Variants in ZNF385D observed in about 807,000 individuals in gnomAD.
ZNF385D encodes zinc finger protein 385D, also known as zinc finger protein 659.
ZNF385D carries 15 observed loss-of-function variants against 35.8 expected under a neutral mutation model. That is an observed-to-expected ratio of 0.42 (90% CI 0.28 to 0.64). ZNF385D has a LOEUF of 0.64. Among genes scored for constraint, ZNF385D ranks in the 30% least tolerant of loss-of-function variants. The pLI is 0.23. For synonymous variants in ZNF385D, 212 were observed against 186.8 expected, an observed-to-expected ratio of 1.13 and a Z score of -1.10; for missense variants, 474 against 494.6, an observed-to-expected ratio of 0.96 and a Z score of 0.39.
intron 2 of ZNF385D, among the ~76,000 whole-genome samples, chr3:22,355,219 T>C (rs1167266656): frequency 6.6e-6 from 1 of 152,040 alleles, no homozygotes; most frequent in Non-Finnish European, 1.5e-5. Context: ...TCATCAAATC[T>C]TTATGGGTAT....
intron 3 of ZNF385D, among the ~76,000 whole-genome samples, chr3:21,977,526 A>T (rs1487437579): frequency 3.3e-5 from 5 of 152,106 alleles, no homozygotes; most frequent in Non-Finnish European, 5.9e-5. Flanking sequence ...TCTACCTAAA[A>T]GACTACTCAG....
Position 21,853,385 on chromosome 3 carries a change from T to G in ZNF385D, c.326-188357A>C, listed in dbSNP as rs369646118. On this transcript the variant is annotated intron_variant, in intron 3 of 5. Transcript: ENST00000494108. ...AATATCTATTAGATCAGAAATAATATGTTCAGTAAGTCAATCCACTTTAAT... is the reference window on the plus strand; with the variant it reads ...AATATCTATTAGATCAGAAATAATAGGTTCAGTAAGTCAATCCACTTTAAT... Among the ~76,000 whole-genome samples the G allele has an allele frequency of 3.3e-5, 5 of 151,864 alleles. No individual in the cohort carries two copies. In the South Asian group the frequency reaches 1.0e-3, roughly 31 times the overall value.
intron 3 of ZNF385D, among the ~76,000 whole-genome samples, chr3:22,026,357 C>T (rs968820734): frequency 3.3e-5 from 5 of 152,232 alleles, no homozygotes; most frequent in Admixed American, 2.0e-4. Flanking sequence ...GAATCTTTCT[C>T]CCATCCTTCC....
intron 3 of ZNF385D, among the ~76,000 whole-genome samples, chr3:21,826,183 C>G (rs2125749442): frequency 6.6e-6 from 1 of 152,252 alleles, no homozygotes; most frequent in Admixed American, 6.5e-5. Context: ...GCAAACGAAG[C>G]TGGGAAAATA....
chr3:21,913,684 A>G (rs1700068573), intron 3 of ZNF385D, among the ~76,000 whole-genome samples: 2 of 152,146 alleles, frequency 1.3e-5, no homozygotes, highest in South Asian at 4.1e-4. Context: ...TTTCTATCAA[A>G]TTCAGATGAA....
chr3:21,809,393 T>C (rs2125703354), intron 3 of ZNF385D, among the ~76,000 whole-genome samples: 1 of 151,958 alleles, frequency 6.6e-6, no homozygotes, highest in African/African-American at 2.4e-5. Context: ...AAAAAATATA[T>C]AATATTGTCT....
intron 4 of ZNF385D, among the ~76,000 whole-genome samples, chr3:21,466,500 T>C (rs138887745): frequency 9.8e-4 from 149 of 152,278 alleles, no homozygotes; most frequent in African/African-American, 3.6e-3. Flanking sequence ...TACAATGGGC[T>C]AGAAACCCCT....
chr3:21,436,200 C>T (rs1015710601), intron 5 of ZNF385D, among the ~76,000 whole-genome samples: 1 of 151,862 alleles, frequency 6.6e-6, no homozygotes, highest in African/African-American at 2.4e-5. Flanking sequence ...TATATATACA[C>T]ATACAGAGCA....
intron 3 of ZNF385D, among the ~76,000 whole-genome samples, chr3:22,137,309 T>C (rs1247457406): frequency 6.6e-6 from 1 of 152,146 alleles, no homozygotes; most frequent in Non-Finnish European, 1.5e-5. Flanking sequence ...GAATCCTCCC[T>C]AACTCATTTT....
At chr3:21,762,691 G>T (rs1185306863) in intron 3 of ZNF385D, among the ~76,000 whole-genome samples, 1 of 152,162 alleles carries the variant, frequency 6.6e-6, no homozygotes, top group Non-Finnish European at 1.5e-5. Context: ...GGTGCTAAAA[G>T]TTATAGACAG....
chr3:22,012,589 G>T (rs559765010), intron 3 of ZNF385D, among the ~76,000 whole-genome samples: 2 of 145,078 alleles, frequency 1.4e-5, no homozygotes, highest in East Asian at 4.1e-4. Flanking sequence ...AATAAAACAA[G>T]CATTCAAAAT....
intron 3 of ZNF385D, among the ~76,000 whole-genome samples, chr3:22,024,321 G>C (rs954430694): frequency 1.3e-5 from 2 of 151,930 alleles, no homozygotes; most frequent in South Asian, 2.1e-4. Context: ...ATATGTGTGC[G>C]TGTGTGTGTA....
At chr3:22,314,294 C>A (rs573760623) in intron 2 of ZNF385D, among the ~76,000 whole-genome samples, 38 of 152,060 alleles carry the variant, frequency 2.5e-4, no homozygotes, top group South Asian at 6.2e-4. Flanking sequence ...CCCACTGAGT[C>A]CCCAAAGTCT....
At chr3:21,608,012 C>CTTCTTT (rs2064536095) in intron 2 of ZNF385D, among the ~76,000 whole-genome samples, 6 of 123,966 alleles carry the variant, frequency 4.8e-5, no homozygotes, top group African/African-American at 1.9e-4. Context: ...TCTTTTTCTT[C>CTTCTTT]TTTTTTTTTT....
intron 3 of ZNF385D, among the ~76,000 whole-genome samples, chr3:21,954,131 TA>T (rs1205667604): frequency 2.0e-5 from 3 of 151,844 alleles, no homozygotes; most frequent in Admixed American, 6.6e-5. Flanking sequence ...ATATGTCCTC[TA>T]AAGCACAATA....
intron 1 of ZNF385D, among the ~76,000 whole-genome samples, chr3:21,733,553 CTTAAT>C (rs2069111552): frequency 6.6e-6 from 1 of 152,068 alleles, no homozygotes; most frequent in South Asian, 2.1e-4. Context: ...CTTTTTTAAA[CTTAAT>C]TTATGAATTA....
At chr3:22,033,402 A>AAATAATAATAATAATAAT (rs59555475) in intron 3 of ZNF385D, among the ~76,000 whole-genome samples, 24 of 139,392 alleles carry the variant, frequency 1.7e-4, no homozygotes, top group East Asian at 4.2e-4. Context: ...GCTGGCTCCA[A>AAATAATAATAATAATAAT]AATAATAATA....
At chr3:21,683,517 T>C (rs1250970333) in intron 1 of ZNF385D, among the ~76,000 whole-genome samples, 2 of 149,108 alleles carry the variant, frequency 1.3e-5, no homozygotes, top group Non-Finnish European at 3.0e-5. Context: ...ACTCGAAGGC[T>C]GAGGGAAGAG....
chr3:22,261,227 CG>C (rs1700613396), intron 2 of ZNF385D, among the ~76,000 whole-genome samples: 1 of 151,702 alleles, frequency 6.6e-6, no homozygotes, highest in Non-Finnish European at 1.5e-5. Context: ...GACCAGACCT[CG>C]GGATATATTC....
Sources: allele counts gnomAD v4.1 joint callset (sites outside exome capture counted in the v4.1 genomes callset), GRCh38; gene constraint gnomAD v4.1.1; transcripts MANE v1.5; gene names NCBI Gene and HGNC (gene_info 2026-07-23, HGNC 2026-07-21).